GREB1: variants seen among roughly 807,000 people sequenced by gnomAD.
GREB1 encodes growth regulating estrogen receptor binding 1, also known as protein GREB1.
In GREB1, 106 loss-of-function variants were observed where a neutral mutation model predicts 200.7. The observed-to-expected ratio is 0.53, with a 90% CI of 0.45 to 0.62. GREB1 has a LOEUF of 0.62. Ranked by LOEUF, GREB1 falls within the 20% of genes least tolerant of loss-of-function variation. The probability of loss-of-function intolerance (pLI) is 0.00; values close to 1 mark genes in which losing one functional copy is unlikely to be tolerated. For missense variants in GREB1, 2,243 were observed against 2,556.8 expected (o/e 0.88, Z 2.65); for synonymous variants, 1,132 against 1,092.4 (o/e 1.04, Z -0.72).
chr2:11,598,687 G>T lies in GREB1; in HGVS notation c.2160G>T (p.Leu720Phe), dbSNP rs751991512. ...ATGTTCTTTGTGTTGCAGGGGTTTT[G>T]CTGGAGCTTGGTCTGAAGAAAGAGC... is the stretch of plus-strand genomic sequence containing the variant. ...TLLHVWHSGV[L>F]LELGLKKEHM... is the part of the protein sequence containing the mutation. Residue 720 changes from leucine (L) to phenylalanine (F), a missense_variant, in exon 15 of 33, where the codon TTG (leucine) becomes TTT (phenylalanine). Transcript: ENST00000381486. 18 of 1,613,876 alleles carry T rather than the reference G, an allele frequency of 1.1e-5. No homozygotes were observed. The Admixed American group carries it at 2.8e-4, about 25-fold the overall frequency.
intron 23 of GREB1, among the ~76,000 whole-genome samples, chr2:11,623,904 G>GA (rs1243691128): frequency 6.6e-6 from 1 of 151,610 alleles, no homozygotes; most frequent in Non-Finnish European, 1.5e-5. Context: ...TCTGTCTCAA[G>GA]AAAAAAACAA....
At chr2:11,559,433 C>A (rs991042969) in intron 2 of GREB1, among the ~76,000 whole-genome samples, 3 of 152,156 alleles carry the variant, frequency 2.0e-5, no homozygotes, top group Non-Finnish European at 4.4e-5. Flanking sequence ...TTTCTTTGAC[C>A]TTTTGAGGCT....
At chr2:11,517,836 G>A (rs1047294410) in intron 1 of GREB1, among the ~76,000 whole-genome samples, 1 of 152,054 alleles carries the variant, frequency 6.6e-6, no homozygotes. Context: ...TGTATTTTTA[G>A]TAGAGACGGG....
At chr2:11,628,393 G>C (rs1052436243) in intron 25 of GREB1, among the ~76,000 whole-genome samples, 2 of 152,182 alleles carry the variant, frequency 1.3e-5, no homozygotes, top group African/African-American at 4.8e-5. Context: ...CTTTCAGAAA[G>C]GCCTGAGGCA....
intron 2 of GREB1, 88 bp from the exon 3 acceptor site, chr2:11,562,375 T>C (rs533182129): frequency 5.1e-6 from 8 of 1,556,280 alleles, no homozygotes; most frequent in Admixed American, 1.9e-5. Context: ...TTGTTGAGCC[T>C]GAGAATGCAG....
intron 4 of GREB1, among the ~76,000 whole-genome samples, chr2:11,568,332 G>T (rs577985427): frequency 2.0e-5 from 3 of 152,222 alleles, no homozygotes; most frequent in Non-Finnish European, 4.4e-5. Flanking sequence ...CCACAGAGGC[G>T]CTGGGGACAC....
intron 15 of GREB1, among the ~76,000 whole-genome samples, chr2:11,600,522 C>T (rs535886285): frequency 1.1e-4 from 16 of 152,132 alleles, no homozygotes; most frequent in Non-Finnish European, 1.5e-4. Flanking sequence ...TATCACTGTC[C>T]GATTGGGATA....
rs753201736 is a variant in GREB1 at position 11,598,810 on chromosome 2, G to A, written c.2283G>A (p.Pro761=). 10 of 1,614,008 alleles carry A rather than the reference G, an allele frequency of 6.2e-6. No homozygotes were observed. Among genetic ancestry groups the A allele is most frequent in the Admixed American group, 3.3e-5 (2 of 60,004 alleles). The change falls in exon 15 of 33, where the codon CCG becomes CCA. Residue 761 remains proline, a synonymous_variant. Coordinates refer to ENST00000381486, the MANE Select transcript of GREB1 (RefSeq NM_014668.4). ...KAFLQNSFQN[P]HTLFVLIHDH... ...TTCTGCAAAACTCCTTCCAGAACCC[G>A]CATACACTTTTTGTCCTAATCCATG...
intron 17 of GREB1, among the ~76,000 whole-genome samples, chr2:11,610,071 A>G (rs1682781136): frequency 1.3e-5 from 2 of 152,246 alleles, no homozygotes; most frequent in Non-Finnish European, 2.9e-5. Context: ...TTGTGGGAGC[A>G]GCCACCACCT....
intron 7 of GREB1, among the ~76,000 whole-genome samples, chr2:11,583,200 A>C (rs1679696335): frequency 6.6e-6 from 1 of 152,248 alleles, no homozygotes; most frequent in Non-Finnish European, 1.5e-5. Context: ...GTGAGAAAAC[A>C]TCTGCGTCTC....
intron 1 of GREB1, among the ~76,000 whole-genome samples, chr2:11,518,945 A>G (rs1363890024): frequency 6.6e-6 from 1 of 151,622 alleles, no homozygotes; most frequent in Non-Finnish European, 1.5e-5. Flanking sequence ...CTAAAAATAC[A>G]AAAAATTAGT....
intron 32 of GREB1, among the ~76,000 whole-genome samples, chr2:11,639,868 C>G (rs538242400): frequency 6.6e-6 from 1 of 152,108 alleles, no homozygotes; most frequent in East Asian, 1.9e-4. Context: ...AAGGGGAATT[C>G]CTGTGGCTGG....
chr2:11,545,282 C>T (rs1305339117), intron 1 of GREB1, among the ~76,000 whole-genome samples: 4 of 151,874 alleles, frequency 2.6e-5, no homozygotes, highest in Admixed American at 6.6e-5. Flanking sequence ...TACAGGCACC[C>T]GCCACCTCAC....
intron 1 of GREB1, among the ~76,000 whole-genome samples, chr2:11,543,881 C>G (rs11686574): frequency 0.51 from 78,066 of 151,856 alleles, 23,076 homozygotes; most frequent in South Asian, 0.76. Context: ...TGGGTATTGA[C>G]GCCCGTCTGT....
rs527634955 is a variant in GREB1, at chr2:11,596,310, C to T, written c.1954+71C>T. 9.6e-5 allele frequency: 134 copies of T among 1,402,774 alleles called. No homozygotes were observed. In the African/African-American group the frequency reaches 1.3e-3, roughly 14 times the overall value. 86.9% of individuals were successfully genotyped at this position (1,402,774 alleles called of 1,614,324 possible). On this transcript the variant is annotated intron_variant, in intron 13 of 32. Coordinates refer to ENST00000381486, the MANE Select transcript of GREB1 (RefSeq NM_014668.4). ...AGTGATGAGGGGCAGGGTCAGTGGG[C>T]GCAGGTGTGCACAGTGAGAGGGGCC...
At position 11,629,535 on chromosome 2, in the gene GREB1, G is replaced by C. The variant is rs1050130330; in HGVS notation, c.4450-413G>C. 2.6e-5 allele frequency among the ~76,000 whole-genome samples: 4 copies of C among 152,232 alleles called. No homozygotes were observed. The highest frequency in any genetic ancestry group is 9.6e-5 in the African/African-American group (4 of 41,466). On this transcript the variant is annotated intron_variant, in intron 25 of 32. Coordinates refer to ENST00000381486, the MANE Select transcript of GREB1 (RefSeq NM_014668.4). This position sits in a 1 kb window ranked among gnomAD's most constrained non-coding sequence, Gnocchi z 5.2. The stretch of plus-strand genomic sequence containing the variant: ...TTATAGGAGTGTCCAAGCATATGCA[G>C]CTAGTGTTAATATGTGATTGCATGT...
chr2:11,599,450 C>T (rs115611588), intron 15 of GREB1, among the ~76,000 whole-genome samples: 3,633 of 151,668 alleles, frequency 0.024, 165 homozygotes, highest in African/African-American at 0.082. Flanking sequence ...TGCCATTCTC[C>T]CACTTCACCC....
chr2:11,535,818 G>A (rs530382529), intron 1 of GREB1, among the ~76,000 whole-genome samples: 17 of 152,232 alleles, frequency 1.1e-4, no homozygotes, highest in Middle Eastern at 6.8e-3. Flanking sequence ...CTTCCTGACC[G>A]TGCCCACTAA....
chr2:11,640,557 C>T lies in GREB1; in HGVS notation c.*103C>T. Reference sequence around the variant, plus strand: ...CGGTGGGGCGTTTGACTGGAATGGACCCCAGGGACTGTCCAGGTGCAGCCC... The same window carrying T: ...CGGTGGGGCGTTTGACTGGAATGGATCCCAGGGACTGTCCAGGTGCAGCCC... On this transcript the variant is annotated 3_prime_UTR_variant, in exon 33 of 33. Transcript: ENST00000381486. This position sits in a 1 kb window ranked among gnomAD's most constrained non-coding sequence, Gnocchi z 4.6. The T allele has an allele frequency of 1.5e-6, 2 of 1,332,940 alleles. No individual in the cohort carries two copies. Among genetic ancestry groups the T allele is most frequent in the African/African-American group, 1.5e-5 (1 of 68,780 alleles). 82.6% of individuals were successfully genotyped at this position (1,332,940 alleles called of 1,614,324 possible). A position where few individuals can be genotyped will look rare whatever the true frequency, so the allele number is the denominator to read the frequency against.
Sources: allele counts gnomAD v4.1 joint callset (sites outside exome capture counted in the v4.1 genomes callset), GRCh38; gene constraint gnomAD v4.1.1; non-coding constraint Gnocchi (gnomAD v3.1); transcripts MANE v1.5; gene names NCBI Gene and HGNC (gene_info 2026-07-23, HGNC 2026-07-21).